NUAK1: variants seen among roughly 807,000 people sequenced by gnomAD.
The protein encoded by NUAK1 is NUAK family kinase 1.
A neutral mutation model predicts 56.9 loss-of-function variants in NUAK1; 26 were observed. That is an observed-to-expected ratio of 0.46 (90% CI 0.33 to 0.63). The LOEUF (loss-of-function observed/expected upper bound fraction) is 0.63, where lower values mean the gene tolerates loss of function less well. Among genes scored for constraint, NUAK1 ranks in the 30% least tolerant of loss-of-function variants. NUAK1 has a pLI of 0.02. For missense variants in NUAK1, 727 were observed against 876.1 expected (o/e 0.83, Z 2.15); for synonymous variants, 337 against 336.0 (o/e 1.00, Z -0.03).
At position 106,067,511 on chromosome 12, in the gene NUAK1, G is replaced by A. The variant is rs1395068391; in HGVS notation, c.1277C>T (p.Pro426Leu). ...GTCCTGCTCCATCTTGAAAGTAGAG[G>A]GTAAGGCAGGACCAACTACACCTTC... ...FIEGVVGPALPSTFKMEQDLC... is the reference protein window; with the variant it reads ...FIEGVVGPALLSTFKMEQDLC... Residue 426 changes from proline (P) to leucine (L), a missense_variant, in exon 7 of 7, where the codon CCC becomes CTC. Pro to Leu is a moderately conservative substitution (Grantham distance 98, BLOSUM62 -3). Coordinates refer to ENST00000261402, the MANE Select transcript of NUAK1 (RefSeq NM_014840.3). The surrounding 1 kb of genome is among the most constrained non-coding windows in gnomAD (Gnocchi z 6.0). The A allele has an allele frequency of 3.1e-6, 5 of 1,614,168 alleles. No individual in the cohort carries two copies. Among genetic ancestry groups the A allele is most frequent in the Non-Finnish European group, 4.2e-6 (5 of 1,180,030 alleles).
At chr12:106,123,540 A>C (rs1215605) in intron 1 of NUAK1, among the ~76,000 whole-genome samples, 88,236 of 152,032 alleles carry the variant, frequency 0.58, 25,751 homozygotes, top group African/African-American at 0.63. Flanking sequence ...AATTACAACA[A>C]AAGGCAACAT....
chr12:106,121,624 CCTGCAATCCCAGCTACTTGGGTGG>C (rs2032975549), intron 1 of NUAK1, among the ~76,000 whole-genome samples: 1 of 152,188 alleles, frequency 6.6e-6, no homozygotes, highest in African/African-American at 2.4e-5. Flanking sequence ...GTGGCGGGTG[CCTGCAATCCCAGCTACTTGGGTGG>C]CTGAGGCACT....
chr12:106,079,048 G>A (rs1356301579), intron 4 of NUAK1, among the ~76,000 whole-genome samples: 3 of 152,198 alleles, frequency 2.0e-5, no homozygotes, highest in Non-Finnish European at 4.4e-5. Context: ...AATTCATCAG[G>A]TGTCTGGTCT....
intron 1 of NUAK1, among the ~76,000 whole-genome samples, chr12:106,125,645 C>T (rs1203115754): frequency 6.6e-6 from 1 of 152,190 alleles, no homozygotes; most frequent in Non-Finnish European, 1.5e-5. Context: ...TGCTCTGGAC[C>T]TTCCTACACA....
intron 2 of NUAK1, among the ~76,000 whole-genome samples, chr12:106,093,484 A>T (rs531241971): frequency 1.3e-5 from 2 of 152,338 alleles, no homozygotes; most frequent in East Asian, 3.9e-4. Flanking sequence ...CAACCAGGCT[A>T]ATGACCCAGC....
At chr12:106,123,045 G>A (rs2032993546) in intron 1 of NUAK1, among the ~76,000 whole-genome samples, 1 of 152,172 alleles carries the variant, frequency 6.6e-6, no homozygotes, top group Non-Finnish European at 1.5e-5. Flanking sequence ...TGTTCCATTT[G>A]TTTGAAGACT....
chr12:106,129,127 G>C (rs550055255), intron 1 of NUAK1, among the ~76,000 whole-genome samples: 3 of 152,312 alleles, frequency 2.0e-5, no homozygotes, highest in Non-Finnish European at 4.4e-5. Context: ...TACCCGCCTG[G>C]AGCAGCCTCC....
intron 4 of NUAK1, among the ~76,000 whole-genome samples, chr12:106,078,485 T>C (rs1188850489): frequency 6.6e-6 from 1 of 152,232 alleles, no homozygotes; most frequent in African/African-American, 2.4e-5. Flanking sequence ...GTCAGGTGGC[T>C]GACGAGGAAA....
intron 6 of NUAK1, 120 bp from the exon 7 acceptor site, chr12:106,068,075 A>T: frequency 1.1e-6 from 1 of 940,548 alleles, no homozygotes; most frequent in Non-Finnish European, 1.5e-6. Flanking sequence ...CCATCTGGAG[A>T]CCTGGTCCAG....
In NUAK1 at chr12:106,106,499, G is replaced by C. The variant is rs772345606; in HGVS notation, c.267C>G (p.Asp89Glu). Residue 89 changes from aspartate to glutamate, a missense_variant, in exon 2 of 7, where the codon GAC becomes GAG. By Grantham distance (45) the Asp-to-Glu change is conservative (BLOSUM62 2). Transcript: ENST00000261402. The stretch of plus-strand genomic sequence containing the variant: ...CCATGTCTTGTTCATCCTTAATTTT[G>C]TCCTTACGAATGGATTTTATAGCAA... ...RVVAIKSIRK[D>E]KIKDEQDMVH... The C allele has an allele frequency of 6.2e-7, 1 of 1,612,772 alleles. No individual in the cohort carries two copies. Among genetic ancestry groups the C allele is most frequent in the Admixed American group, 1.7e-5 (1 of 59,960 alleles).
At chr12:106,069,939 A>G (rs73193827) in intron 6 of NUAK1, among the ~76,000 whole-genome samples, 2,350 of 152,260 alleles carry the variant, frequency 0.015, 34 homozygotes, top group Middle Eastern at 0.037. Context: ...GAAGCTCATG[A>G]CCGTGGTTGT....
At position 106,086,859 on chromosome 12, in the gene NUAK1, T is replaced by A. The variant is rs779167409; in HGVS notation, c.388A>T (p.Ile130Phe). ...EVFENKDKIV[I>F]IMEYASKGEL... ...CCTTTGCTGGCATATTCCATGATGA[T>A]CACAATCTTATCTTTGTTCTCAAAC... The change falls in exon 3 of 7, where the codon ATC (isoleucine) becomes TTC (phenylalanine). Residue 130 changes from isoleucine to phenylalanine, a missense_variant. Ile to Phe is a conservative substitution (Grantham distance 21). Transcript: ENST00000261402. 2 of 1,613,802 alleles carry A rather than the reference T, an allele frequency of 1.2e-6. No homozygotes were observed. Among genetic ancestry groups the A allele is most frequent in the Non-Finnish European group, 1.7e-6 (2 of 1,179,836 alleles).
chr12:106,124,710 A>T (rs2033009341), intron 1 of NUAK1, among the ~76,000 whole-genome samples: 1 of 152,288 alleles, frequency 6.6e-6, no homozygotes, highest in African/African-American at 2.4e-5. Context: ...AAATGCAATC[A>T]ATAAATATCT....
intron 1 of NUAK1, among the ~76,000 whole-genome samples, chr12:106,119,553 C>G (rs982262061): frequency 6.6e-6 from 1 of 152,160 alleles, no homozygotes; most frequent in African/African-American, 2.4e-5. Context: ...TGTAGGGAAG[C>G]TGGAAAAATG....
intron 2 of NUAK1, among the ~76,000 whole-genome samples, chr12:106,091,328 C>T (rs2136464930): frequency 6.6e-6 from 1 of 152,288 alleles, no homozygotes; most frequent in Non-Finnish European, 1.5e-5. Flanking sequence ...AATTAAATCC[C>T]TGAATAGAAA....
intron 2 of NUAK1, chr12:106,105,694 AT>A (rs978680686): frequency 3.3e-5 from 5 of 152,218 alleles, no homozygotes; most frequent in African/African-American, 1.2e-4. Context: ...AACAGAAATT[AT>A]TTTTTAATTT....
At chr12:106,104,957 CT>C (rs201749100) in intron 2 of NUAK1, among the ~76,000 whole-genome samples, 3,390 of 141,130 alleles carry the variant, frequency 0.024, 74 homozygotes, top group African/African-American at 0.067. Context: ...GTTCATTTTT[CT>C]TTTTTTTTTT....
At position 106,067,664 on chromosome 12, in the gene NUAK1, T is replaced by G. The variant is rs1356569162; in HGVS notation, c.1124A>C (p.Asn375Thr). 1 of 1,614,234 alleles carries G rather than the reference T, an allele frequency of 6.2e-7. No homozygotes were observed. The highest frequency in any genetic ancestry group is 1.7e-5 in the Admixed American group (1 of 60,034). Residue 375 changes from asparagine (N) to threonine (T), a missense_variant, in exon 7 of 7, where the codon AAT (asparagine) becomes ACT (threonine). Asn to Thr is a moderately conservative substitution (Grantham distance 65, BLOSUM62 0). Coordinates refer to ENST00000261402, the MANE Select transcript of NUAK1 (RefSeq NM_014840.3). This position sits in a 1 kb window ranked among gnomAD's most constrained non-coding sequence, Gnocchi z 6.0. ...QRSLKKSKKE[N>T]DFAQSGQDAV... ...ATCCTGACCAGACTGAGCAAAGTCATTCTCTTTCTTGGATTTCTTCAGCGA... is the reference window on the plus strand; with the variant it reads ...ATCCTGACCAGACTGAGCAAAGTCAGTCTCTTTCTTGGATTTCTTCAGCGA...
intron 2 of NUAK1, chr12:106,103,400 A>G (rs556136083): frequency 1.2e-4 from 16 of 138,126 alleles, no homozygotes; most frequent in Admixed American, 1.1e-3. Context: ...ACCATGGCCT[A>G]CGGAGCTTAA....
Sources: allele counts gnomAD v4.1 joint callset (sites outside exome capture counted in the v4.1 genomes callset), GRCh38; gene constraint gnomAD v4.1.1; non-coding constraint Gnocchi (gnomAD v3.1); transcripts MANE v1.5; gene names NCBI Gene and HGNC (gene_info 2026-07-23, HGNC 2026-07-21).